Variants in DBN1 observed in about 807,000 individuals in gnomAD.
DBN1 encodes drebrin.
Under a neutral mutation model 83.5 loss-of-function variants are expected in DBN1, and 21 were observed. The ratio of observed to expected loss-of-function variants is 0.25; its 90% CI spans 0.18 to 0.36. The LOEUF (loss-of-function observed/expected upper bound fraction) is 0.36. Among genes scored for constraint, DBN1 ranks in the 10% least tolerant of loss-of-function variants. The pLI, the probability that DBN1 is intolerant of heterozygous loss-of-function variation, is 1.00. For synonymous variants in DBN1, 381 were observed against 384.9 expected (o/e 0.99, Z 0.12); for missense variants, 874 against 935.7 (o/e 0.93, Z 0.86).
intron 8 of DBN1, among the ~76,000 whole-genome samples, chr5:177,464,555 C>T (rs565737813): frequency 2.0e-5 from 3 of 151,056 alleles, no homozygotes; most frequent in East Asian, 1.9e-4. Context: ...GTTAAGAGAT[C>T]GAGACCATCC....
Position 177,467,582 on chromosome 5 carries a change from C to G in DBN1, c.376G>C (p.Ala126Pro). ...VNASSVEDID[A>P]GAIGQRLSNG... ...GAGAGCCGCTGCCCGATGGCACCCGCGTCTATGTCTTCCACGCTGCTGGCG... is the reference window on the plus strand; with the variant it reads ...GAGAGCCGCTGCCCGATGGCACCCGGGTCTATGTCTTCCACGCTGCTGGCG... Residue 126 changes from alanine (A) to proline (P), a missense_variant, in exon 5 of 15, where the codon GCG (alanine) becomes CCG (proline). By Grantham distance (27) the Ala-to-Pro change is conservative (BLOSUM62 -1). Coordinates refer to ENST00000393565, the MANE Select transcript of DBN1 (RefSeq NM_001363541.2). This position sits in a 1 kb window ranked among gnomAD's most constrained non-coding sequence, Gnocchi z 9.1. 4 of 1,568,312 alleles carry G rather than the reference C, an allele frequency of 2.6e-6. No individual in the cohort carries two copies. Among genetic ancestry groups the G allele is most frequent in the Non-Finnish European group, 2.6e-6 (3 of 1,156,550 alleles).
At chr5:177,470,296 CTCT>C (rs1757749906) in intron 1 of DBN1, among the ~76,000 whole-genome samples, 2 of 152,186 alleles carry the variant, frequency 1.3e-5, no homozygotes, top group Admixed American at 1.3e-4. Context: ...GAGAAGCAGG[CTCT>C]GTCTCTCTCC....
chr5:177,472,134 GCTTGTCT>G (rs760271841), intron 1 of DBN1: 2 of 1,611,734 alleles, frequency 1.2e-6, no homozygotes, highest in Non-Finnish European at 1.7e-6. Context: ...GGACACGAGA[GCTTGTCT>G]CTCGCGTCCA....
intron 11 of DBN1, 67 bp downstream of exon 11, chr5:177,459,536 G>C: frequency 7.0e-7 from 1 of 1,435,530 alleles, no homozygotes; most frequent in Non-Finnish European, 9.2e-7. Context: ...GGGGAGTGAG[G>C]GCGGGGGGCT....
At chr5:177,472,909 G>T in intron 1 of DBN1, 1 of 912,512 alleles carries the variant, frequency 1.1e-6, no homozygotes, top group Non-Finnish European at 1.3e-6. Flanking sequence ...CCCCCGGTGG[G>T]CGGGGCGCCC....
rs954320242 is a variant in DBN1, at chr5:177,466,166, A to G, written c.771+606T>C. Among the ~76,000 whole-genome samples, 1 of 151,832 alleles carries G rather than the reference A, an allele frequency of 6.6e-6. No individual in the cohort carries two copies. Among genetic ancestry groups the G allele is most frequent in the African/African-American group, 2.4e-5 (1 of 41,322 alleles). On this transcript the variant is annotated intron_variant, in intron 8 of 14. Coordinates refer to ENST00000393565, the MANE Select transcript of DBN1 (RefSeq NM_001363541.2). The surrounding 1 kb of genome is among the most constrained non-coding windows in gnomAD (Gnocchi z 4.8). ...TCCCAATCCAGATGAGTATCAACCC[A>G]CCTCCCTTCCTGAACTGAGCCATGC... is the stretch of plus-strand genomic sequence containing the variant.
At chr5:177,460,237 G>A (rs939884699) in intron 10 of DBN1, among the ~76,000 whole-genome samples, 195 bp downstream of exon 10, 6 of 152,214 alleles carry the variant, frequency 3.9e-5, no homozygotes, top group African/African-American at 9.7e-5. Context: ...TCAGCCACAA[G>A]CGACTTCACC....
intron 10 of DBN1, 58 bp downstream of exon 10, chr5:177,460,374 A>G: frequency 1.2e-6 from 2 of 1,610,228 alleles, no homozygotes; most frequent in East Asian, 4.5e-5. Flanking sequence ...AGTCCCAGAG[A>G]GGCTCAGGGC....
rs779427544 is a variant in DBN1 at position 177,467,358 on chromosome 5, A to G, written c.478-26T>C. The G allele has an allele frequency of 6.8e-6, 11 of 1,613,960 alleles. No homozygotes were observed. The highest frequency in any genetic ancestry group is 1.6e-4 in the Middle Eastern group (1 of 6,084). On this transcript the variant is annotated intron_variant, in intron 5 of 14. Coordinates refer to ENST00000393565, the MANE Select transcript of DBN1 (RefSeq NM_001363541.2). This position sits in a 1 kb window ranked among gnomAD's most constrained non-coding sequence, Gnocchi z 9.1. ...CTGCAGTGTCGAAGGACCCAGCATA[A>G]GCAGGCTGAATGCCCCAGGAACCCC...
intron 1 of DBN1, chr5:177,473,027 C>T (rs1212209519): frequency 1.2e-5 from 2 of 172,742 alleles, no homozygotes; most frequent in East Asian, 1.9e-4. Context: ...CGGTCCCCGC[C>T]CCGTCCCCGC....
Position 177,460,531 on chromosome 5 carries a change from G to A in DBN1, c.856C>T (p.Arg286Trp), listed in dbSNP as rs1172088144. ...AAGAACTCCCTTGGGTTGTCAGGCC[G>A]CTGGGCAATAATAGCTGCTGCCTCC... ...VEEAAAIIAQ[R>W]PDNPREFFKQ... Residue 286 changes from arginine (R) to tryptophan (W), a missense_variant, in exon 10 of 15, where the codon CGG becomes TGG. This residue lies in a region of DBN1 where 725 missense variants were observed against 719.7 expected (regional missense o/e 1.01). Transcript: ENST00000393565. The A allele has an allele frequency of 1.9e-6, 3 of 1,614,046 alleles. No homozygotes were observed. The highest frequency in any genetic ancestry group is 1.3e-5 in the African/African-American group (1 of 74,906).
chr5:177,473,374 G>A (rs1757990756), intron 1 of DBN1, 62 bp downstream of exon 1: 12 of 1,022,016 alleles, frequency 1.2e-5, no homozygotes, highest in African/African-American at 1.7e-5. Context: ...GGGCGGGAGA[G>A]AAACAAAGGC....
At chr5:177,460,334 G>A in intron 10 of DBN1, 98 bp downstream of exon 10, 1 of 1,566,238 alleles carries the variant, frequency 6.4e-7, no homozygotes, top group Non-Finnish European at 8.8e-7. Flanking sequence ...TTCTCCAAGG[G>A]TTGCTTGGGC....
chr5:177,459,719 A>C lies in DBN1; in HGVS notation c.977T>G (p.Ile326Arg). Residue 326 changes from isoleucine to arginine, a missense_variant, in exon 11 of 15, where the codon ATA becomes AGA. Transcript: ENST00000393565. ...GGAAGGCCCACTGTCCGATGCCTTT[A>C]TGAAAGGGCAGTACGGACGACCTGC... ...HRPGRPYCPF[I>R]KASDSGPSSS... 1 of 1,567,914 alleles carries C rather than the reference A, an allele frequency of 6.4e-7. No individual in the cohort carries two copies. The highest frequency in any genetic ancestry group is 8.6e-7 in the Non-Finnish European group (1 of 1,157,996).
chr5:177,462,824 C>A (rs1332861922), intron 8 of DBN1, among the ~76,000 whole-genome samples: 1 of 152,116 alleles, frequency 6.6e-6, no homozygotes, highest in Non-Finnish European at 1.5e-5. Flanking sequence ...CTTTGTGACC[C>A]CCAGAATGAA....
At position 177,467,430 on chromosome 5, in the gene DBN1, C is replaced by A; in HGVS notation, c.477+51G>T. On this transcript the variant is annotated intron_variant, in intron 5 of 14. Coordinates refer to ENST00000393565, the MANE Select transcript of DBN1 (RefSeq NM_001363541.2). This position sits in a 1 kb window ranked among gnomAD's most constrained non-coding sequence, Gnocchi z 9.1. ...TAAGAGGGACCGGGCAGGCCAGACTCGGGCACCAGGCCACGCAGGCAGAGC... is the reference window on the plus strand; with the variant it reads ...TAAGAGGGACCGGGCAGGCCAGACTAGGGCACCAGGCCACGCAGGCAGAGC... 1.2e-6 allele frequency: 2 copies of A among 1,611,172 alleles called. No homozygotes were observed. Among genetic ancestry groups the A allele is most frequent in the Non-Finnish European group, 1.7e-6 (2 of 1,178,018 alleles).
At chr5:177,462,152 G>T (rs994252565) in intron 8 of DBN1, 29 of 925,490 alleles carry the variant, frequency 3.1e-5, no homozygotes, top group Non-Finnish European at 1.8e-5. Flanking sequence ...CTTGGCCTAC[G>T]TCCCCCACCC....
intron 8 of DBN1, among the ~76,000 whole-genome samples, chr5:177,464,280 T>C (rs1172843517): frequency 6.6e-6 from 1 of 150,606 alleles, no homozygotes; most frequent in East Asian, 2.0e-4. Flanking sequence ...ACCCTGTCTC[T>C]ACTAAAAATA....
intron 8 of DBN1, chr5:177,462,546 G>A (rs371310218): frequency 9.1e-6 from 3 of 329,324 alleles, no homozygotes; most frequent in East Asian, 1.7e-4. Context: ...TGTGAGCAAC[G>A]CAGGATGAGG....
Sources: gnomAD v4.1 joint callset for allele counts (sites outside exome capture counted in the v4.1 genomes callset) on GRCh38, gnomAD v4.1.1 for gene constraint, gnomAD v4.1.1 regional missense constraint, Gnocchi (gnomAD v3.1) non-coding constraint, MANE v1.5 for transcripts, NCBI Gene and HGNC (gene_info 2026-07-23, HGNC 2026-07-21) for gene names.